The following ESRP1 variants were observed in gnomAD, a reference collection of about 807,000 sequenced individuals.
The protein encoded by ESRP1 is epithelial splicing regulatory protein 1, also known as RNA-binding motif protein 35A.
Under a neutral mutation model 81.7 loss-of-function variants are expected in ESRP1, and 33 were observed. The ratio of observed to expected loss-of-function variants is 0.40; its 90% CI spans 0.31 to 0.54. The LOEUF is 0.54. Ranked by LOEUF, ESRP1 falls within the 20% of genes least tolerant of loss-of-function variation. The probability of loss-of-function intolerance (pLI) is 0.41; values close to 1 mark genes in which losing one functional copy is unlikely to be tolerated. For missense variants in ESRP1, 672 were observed against 833.1 expected (o/e 0.81, Z 2.38); for synonymous variants, 320 against 303.3 (o/e 1.06, Z -0.57).
chr8:94,674,338 A>T lies in ESRP1; in HGVS notation c.1483A>T (p.Met495Leu), dbSNP rs774146832. The T allele has an allele frequency of 1.2e-6, 2 of 1,613,992 alleles. No homozygotes were observed. The highest frequency in any genetic ancestry group is 1.7e-6 in the Non-Finnish European group (2 of 1,179,888). The change falls in exon 12 of 16, where the codon ATG becomes TTG. Residue 495 changes from methionine to leucine, a missense_variant. Met to Leu is a conservative substitution (Grantham distance 15, BLOSUM62 2). Transcript: ENST00000433389. ...CCCATCAGGAGATGCCTTTATCCAG[A>T]TGAAGTCTGCGGACAGAGCATTTAT... ...GRPSGDAFIQ[M>L]KSADRAFMAA...
At position 94,689,730 on chromosome 8, in the gene ESRP1, C is replaced by T. The variant is rs182437794; in HGVS notation, c.1821-2947C>T. ...GCAGCCGATCTTGGCCCACTGCAAC[C>T]TCTGCCTCCTGGGTTCAAGTGATTC... On this transcript the variant is annotated intron_variant, in intron 13 of 15. Coordinates refer to ENST00000433389, the MANE Select transcript of ESRP1 (RefSeq NM_017697.4). 9.9e-5 allele frequency among the ~76,000 whole-genome samples: 15 copies of T among 150,920 alleles called. 1 individual carries two copies. The highest frequency in any genetic ancestry group is 3.4e-4 in the African/African-American group (14 of 41,080).
chr8:94,676,738 T>C (rs1808654287), intron 12 of ESRP1, among the ~76,000 whole-genome samples: 1 of 151,794 alleles, frequency 6.6e-6, no homozygotes, highest in Non-Finnish European at 1.5e-5. Context: ...GCCCTTGTGA[T>C]CTGCCCGCTT....
intron 13 of ESRP1, among the ~76,000 whole-genome samples, chr8:94,681,568 C>G (rs898912200): frequency 6.6e-6 from 1 of 150,860 alleles, no homozygotes; most frequent in Non-Finnish European, 1.5e-5. Context: ...ACCCAGGAGA[C>G]GGAGGCTGTA....
At chr8:94,701,232 G>A (rs944534653) in intron 15 of ESRP1, among the ~76,000 whole-genome samples, 6 of 147,916 alleles carry the variant, frequency 4.1e-5, no homozygotes, top group African/African-American at 1.5e-4. Context: ...CTGAGATCAC[G>A]CCACTGCACT....
At chr8:94,685,212 ATATAT>A (rs1354826565) in intron 13 of ESRP1, among the ~76,000 whole-genome samples, 1 of 152,122 alleles carries the variant, frequency 6.6e-6, no homozygotes, top group African/African-American at 2.4e-5. Flanking sequence ...TCAATATAGC[ATATAT>A]TATGAGTATG....
At chr8:94,644,328 A>G (rs1456887795) in intron 3 of ESRP1, among the ~76,000 whole-genome samples, 1 of 152,174 alleles carries the variant, frequency 6.6e-6, no homozygotes, top group Non-Finnish European at 1.5e-5. Context: ...AGGTACCTGT[A>G]TAAGGCAAGG....
At chr8:94,641,779 T>C (rs1378985916) in intron 1 of ESRP1, 177 bp from the exon 2 acceptor site, 3 of 447,026 alleles carry the variant, frequency 6.7e-6, no homozygotes, top group South Asian at 4.9e-5. Flanking sequence ...ACCTATCGGG[T>C]GGGGGGTGGG....
At position 94,699,703 on chromosome 8, in the gene ESRP1, T is replaced by C. The variant is rs554386394; in HGVS notation, c.*35+2742T>C. Among the ~76,000 whole-genome samples the C allele has an allele frequency of 4.6e-5, 7 of 152,244 alleles. No individual in the cohort carries two copies. In the South Asian group the frequency reaches 1.5e-3, roughly 32 times the overall value. ...TGGCATAATTTATCTTATTTAATTA[T>C]CTTACCAACTCTAGGAGATAGGATT... On this transcript the variant is annotated intron_variant, in intron 15 of 15. Transcript: ENST00000433389.
At position 94,678,310 on chromosome 8, in the gene ESRP1, T is replaced by G; in HGVS notation, c.1759T>G (p.Ser587Ala). ...TTTGAATCCACGAGCACTGCAGCCC[T>G]CCACAGCGTACTACCCAGCAGGCAC... ...VILNPRALQP[S>A]TAYYPAGTQL... The change falls in exon 13 of 16, where the codon TCC (serine) becomes GCC (alanine). Residue 587 changes from serine (S) to alanine (A), a missense_variant. Coordinates refer to ENST00000433389, the MANE Select transcript of ESRP1 (RefSeq NM_017697.4). 6.2e-7 allele frequency: 1 copy of G among 1,614,006 alleles called. No homozygotes were observed. Among genetic ancestry groups the G allele is most frequent in the Non-Finnish European group, 8.5e-7 (1 of 1,179,890 alleles).
At position 94,699,065 on chromosome 8, in the gene ESRP1, TG is replaced by T. The variant is rs200297446; in HGVS notation, c.*35+2105del. On this transcript the variant is annotated intron_variant, in intron 15 of 15. Coordinates refer to ENST00000433389, the MANE Select transcript of ESRP1 (RefSeq NM_017697.4). ...TATTTTCTTTTCACATGTTCATTGTTGAACACCATGTTGTTTATGAATTTGA... is the reference window on the plus strand; with the variant it reads ...TATTTTCTTTTCACATGTTCATTGTTAACACCATGTTGTTTATGAATTTGA... Among the ~76,000 whole-genome samples the T allele has an allele frequency of 7.5e-3, 1,149 of 152,290 alleles. 12 individuals are homozygous for T. The highest frequency in any genetic ancestry group is 0.027 in the African/African-American group (1,112 of 41,558).
At chr8:94,664,100 C>T (rs978860883) in intron 6 of ESRP1, among the ~76,000 whole-genome samples, 3 of 150,428 alleles carry the variant, frequency 2.0e-5, no homozygotes, top group Non-Finnish European at 3.0e-5. Flanking sequence ...CATGAGGGTG[C>T]CAAGCAAACA....
chr8:94,652,859 TGAGGCTTA>T (rs1361034504), intron 4 of ESRP1, among the ~76,000 whole-genome samples: 2 of 152,218 alleles, frequency 1.3e-5, no homozygotes, highest in Admixed American at 6.5e-5. Flanking sequence ...CTAGGGAAAC[TGAGGCTTA>T]GAGGCTTTGT....
At chr8:94,701,050 A>G (rs1809814448) in intron 15 of ESRP1, among the ~76,000 whole-genome samples, 1 of 151,448 alleles carries the variant, frequency 6.6e-6, no homozygotes, top group Non-Finnish European at 1.5e-5. Context: ...AAGCAGGTGG[A>G]TCATCTGAGG....
intron 11 of ESRP1, among the ~76,000 whole-genome samples, chr8:94,672,871 GA>G (rs2130644807): frequency 6.6e-6 from 1 of 152,292 alleles, no homozygotes; most frequent in African/African-American, 2.4e-5. Context: ...ATTAATTTTT[GA>G]AAATGTTTTC....
chr8:94,677,325 C>T (rs2130659538), intron 12 of ESRP1, among the ~76,000 whole-genome samples: 1 of 152,212 alleles, frequency 6.6e-6, no homozygotes, highest in South Asian at 2.1e-4. Flanking sequence ...GTCAGGGACC[C>T]CATATTCATT....
At chr8:94,664,868 C>T (rs1336343432) in intron 7 of ESRP1, 59 bp from the exon 8 acceptor site, 2 of 1,605,716 alleles carry the variant, frequency 1.2e-6, no homozygotes, top group Non-Finnish European at 1.7e-6. Flanking sequence ...GATTTTCTAT[C>T]TTTTTTTTCC....
intron 13 of ESRP1, among the ~76,000 whole-genome samples, chr8:94,679,407 G>A (rs547711360): frequency 1.3e-5 from 2 of 152,304 alleles, no homozygotes; most frequent in South Asian, 2.1e-4. Context: ...TCTGGACCCT[G>A]TGATAATTGC....
intron 14 of ESRP1, among the ~76,000 whole-genome samples, chr8:94,693,867 TGTC>T (rs1325442076): frequency 6.6e-6 from 1 of 152,162 alleles, no homozygotes; most frequent in African/African-American, 2.4e-5. Flanking sequence ...ACCAAGTGGC[TGTC>T]ATTTTCTCAG....
At chr8:94,648,117 C>T (rs550773453) in intron 4 of ESRP1, among the ~76,000 whole-genome samples, 3 of 152,192 alleles carry the variant, frequency 2.0e-5, no homozygotes, top group East Asian at 3.9e-4. Context: ...ATTAGCTGGA[C>T]GTGGTTGCAT....
Sources: gnomAD v4.1 joint callset for allele counts (sites outside exome capture counted in the v4.1 genomes callset) on GRCh38, gnomAD v4.1.1 for gene constraint, MANE v1.5 for transcripts, NCBI Gene and HGNC (gene_info 2026-07-23, HGNC 2026-07-21) for gene names.